CSMD1: variants seen among roughly 807,000 people sequenced by gnomAD.
CSMD1 encodes CUB and sushi domain-containing protein 1.
CSMD1 carries 213 observed loss-of-function variants against 417.5 expected under a neutral mutation model. The observed-to-expected ratio is 0.51, with a 90% CI of 0.46 to 0.57. The LOEUF (loss-of-function observed/expected upper bound fraction) is 0.57. CSMD1 is among the 20% of genes least tolerant of loss of function. The pLI is 0.00. For missense variants in CSMD1, 6,923 were observed against 4,529.7 expected, an observed-to-expected ratio of 1.53 and a Z score of -15.17; for synonymous variants, 2,862 against 1,736.8, an observed-to-expected ratio of 1.65 and a Z score of -16.11.
intron 7 of CSMD1, among the ~76,000 whole-genome samples, chr8:3,696,374 C>G (rs1017237059): frequency 3.9e-5 from 6 of 152,198 alleles, no homozygotes; most frequent in African/African-American, 1.2e-4. Flanking sequence ...TTTGACTTGT[C>G]GTATACTTTC....
intron 2 of CSMD1, among the ~76,000 whole-genome samples, chr8:4,517,890 G>T (rs1305784329): frequency 6.6e-6 from 1 of 152,180 alleles, no homozygotes; most frequent in Non-Finnish European, 1.5e-5. Context: ...TTGCATTTGA[G>T]TAGGGTGTCT....
At chr8:4,475,569 C>T (rs1800755829) in intron 2 of CSMD1, among the ~76,000 whole-genome samples, 1 of 152,020 alleles carries the variant, frequency 6.6e-6, no homozygotes, top group African/African-American at 2.4e-5. Context: ...GTCTTAAATA[C>T]CACCCAGGCA....
intron 3 of CSMD1, among the ~76,000 whole-genome samples, chr8:4,199,711 C>A (rs1010961906): frequency 6.6e-6 from 1 of 152,122 alleles, no homozygotes; most frequent in Non-Finnish European, 1.5e-5. Flanking sequence ...AATCCAGTGC[C>A]ATTTCTCAGG....
At chr8:4,363,392 G>C (rs1020226086) in intron 3 of CSMD1, among the ~76,000 whole-genome samples, 3 of 152,108 alleles carry the variant, frequency 2.0e-5, no homozygotes, top group East Asian at 3.9e-4. Flanking sequence ...TACGTAAGAG[G>C]GATAAAAAAA....
At chr8:4,990,056 G>C (rs1242376561) in intron 1 of CSMD1, among the ~76,000 whole-genome samples, 1 of 152,120 alleles carries the variant, frequency 6.6e-6, no homozygotes, top group South Asian at 2.1e-4. Flanking sequence ...CTCTTCCCGA[G>C]GCCTCTGCCA....
At chr8:3,041,616 G>C (rs558775781) in intron 50 of CSMD1, among the ~76,000 whole-genome samples, 8 of 152,336 alleles carry the variant, frequency 5.3e-5, no homozygotes, top group Admixed American at 5.2e-4. Flanking sequence ...TCTATCTGTA[G>C]AAATGTGAAT....
intron 10 of CSMD1, among the ~76,000 whole-genome samples, chr8:3,540,152 C>T (rs988073078): frequency 1.3e-5 from 2 of 152,092 alleles, no homozygotes; most frequent in Non-Finnish European, 2.9e-5. Flanking sequence ...TTAAACTGAA[C>T]TGAGTGTAAC....
At chr8:4,783,576 T>C (rs1256668854) in intron 1 of CSMD1, among the ~76,000 whole-genome samples, 1 of 152,238 alleles carries the variant, frequency 6.6e-6, no homozygotes, top group African/African-American at 2.4e-5. Flanking sequence ...AGCTGTGAGT[T>C]GTTCAAATGT....
rs141170475 is a variant in CSMD1, at chr8:3,308,427, G to T, written c.3708C>A (p.Thr1236=). 18 of 1,613,550 alleles carry T rather than the reference G, an allele frequency of 1.1e-5. No individual in the cohort carries two copies. Among genetic ancestry groups the T allele is most frequent in the African/African-American group, 8.0e-5 (6 of 74,886 alleles). The change falls in exon 24 of 70, where the codon ACC becomes ACA. Residue 1236 remains threonine, a synonymous_variant. Transcript: ENST00000635120. ...GYRIRDEGHF[T]DTVVLYSCNP... ...TGCAACTGTACAGAACTACAGTGTC[G>T]GTAAAGTGGCCTTCATCACGGATCC...
chr8:4,447,865 G>C (rs1160765144), intron 2 of CSMD1, among the ~76,000 whole-genome samples: 4 of 152,192 alleles, frequency 2.6e-5, no homozygotes, highest in Non-Finnish European at 5.9e-5. Flanking sequence ...TGTAAGTAGA[G>C]GAGGCTCGAC....
At chr8:3,245,441 A>G (rs1450708850) in intron 26 of CSMD1, among the ~76,000 whole-genome samples, 1 of 152,214 alleles carries the variant, frequency 6.6e-6, no homozygotes, top group Non-Finnish European at 1.5e-5. Flanking sequence ...AAAACCTACA[A>G]CTGGAAGTAC....
chr8:4,799,365 C>T (rs1176880287), intron 1 of CSMD1, among the ~76,000 whole-genome samples: 2 of 151,356 alleles, frequency 1.3e-5, no homozygotes, highest in Non-Finnish European at 2.9e-5. Context: ...TAATTTTAGC[C>T]CTAGATCATA....
chr8:4,221,059 C>A (rs529503337), intron 3 of CSMD1, among the ~76,000 whole-genome samples: 6 of 152,134 alleles, frequency 3.9e-5, no homozygotes, highest in African/African-American at 1.4e-4. Flanking sequence ...AGCGAAAAAC[C>A]CAAACTTTAG....
chr8:3,501,513 G>C (rs544160198), intron 10 of CSMD1, among the ~76,000 whole-genome samples: 1 of 152,208 alleles, frequency 6.6e-6, no homozygotes, highest in African/African-American at 2.4e-5. Flanking sequence ...CCTACATCTT[G>C]GAATAAGATA....
At chr8:4,335,240 G>T (rs998574963) in intron 3 of CSMD1, among the ~76,000 whole-genome samples, 17 of 151,964 alleles carry the variant, frequency 1.1e-4, no homozygotes, top group African/African-American at 4.1e-4. Flanking sequence ...TCCCATTTGT[G>T]AACACTTCAC....
Position 3,807,485 on chromosome 8 carries a change from T to C in CSMD1, c.819-53443A>G, listed in dbSNP as rs1405176465. On this transcript the variant is annotated intron_variant, in intron 5 of 69. Transcript: ENST00000635120. ...ACTGAGCCAGAAATGTCAAGTTATC[T>C]TTGAAACATGAATGCAGCATTACCA... Among the ~76,000 whole-genome samples the C allele has an allele frequency of 2.6e-5, 4 of 152,282 alleles. No homozygotes were observed. In the East Asian group the frequency reaches 7.7e-4, roughly 29 times the overall value.
At chr8:4,255,864 C>T (rs1299838666) in intron 3 of CSMD1, among the ~76,000 whole-genome samples, 1 of 152,218 alleles carries the variant, frequency 6.6e-6, no homozygotes, top group African/African-American at 2.4e-5. Flanking sequence ...CACAGACTTT[C>T]CTTTCTAACC....
At chr8:4,213,213 T>C (rs1437300685) in intron 3 of CSMD1, among the ~76,000 whole-genome samples, 4 of 152,188 alleles carry the variant, frequency 2.6e-5, no homozygotes, top group East Asian at 3.9e-4. Context: ...CACTAATGGG[T>C]ACTTGTTGTC....
chr8:3,238,327 G>A (rs1432698024), intron 26 of CSMD1, among the ~76,000 whole-genome samples: 2 of 152,108 alleles, frequency 1.3e-5, no homozygotes, highest in Non-Finnish European at 2.9e-5. Context: ...CATCAGTTAA[G>A]GCAGGAACTG....
Sources: gnomAD v4.1 joint callset for allele counts (sites outside exome capture counted in the v4.1 genomes callset) on GRCh38, gnomAD v4.1.1 for gene constraint, MANE v1.5 for transcripts, NCBI Gene and HGNC (gene_info 2026-07-23, HGNC 2026-07-21) for gene names.